Variants in CFAP20DC observed in about 807,000 individuals in gnomAD.
CFAP20DC encodes protein CFAP20DC.
CFAP20DC carries 84 observed loss-of-function variants against 101.7 expected under a neutral mutation model. That is an observed-to-expected ratio of 0.83 (90% CI 0.69 to 0.99). The LOEUF (loss-of-function observed/expected upper bound fraction) is 0.99, where lower values mean the gene tolerates loss of function less well. Ranked by LOEUF, CFAP20DC falls within the 50% of genes least tolerant of loss-of-function variation. The probability of loss-of-function intolerance (pLI) is 0.00; values close to 1 mark genes in which losing one functional copy is unlikely to be tolerated. For synonymous variants in CFAP20DC, 359 were observed against 351.2 expected, an observed-to-expected ratio of 1.02 and a Z score of -0.25; for missense variants, 1,007 against 970.3, an observed-to-expected ratio of 1.04 and a Z score of -0.50.
Position 58,975,516 on chromosome 3 carries a change from C to T in CFAP20DC, c.279-37754G>A, listed in dbSNP as rs1045897701. On this transcript the variant is annotated intron_variant, in intron 4 of 16. Transcript: ENST00000482387. Reference sequence around the variant, plus strand: ...AACTGAGGCAGCACTGAAGAAAATGCACTTACTCTTTATTTTTCTATACAG... The same window carrying T: ...AACTGAGGCAGCACTGAAGAAAATGTACTTACTCTTTATTTTTCTATACAG... 2.6e-5 allele frequency among the ~76,000 whole-genome samples: 4 copies of T among 152,168 alleles called. No individual in the cohort carries two copies. In the East Asian group the frequency reaches 7.7e-4, roughly 29 times the overall value.
intron 15 of CFAP20DC, among the ~76,000 whole-genome samples, chr3:58,803,549 A>G (rs980190760): frequency 1.3e-5 from 2 of 152,226 alleles, no homozygotes; most frequent in Non-Finnish European, 2.9e-5. Flanking sequence ...AAGTTAAATT[A>G]TATGCGTTAC....
intron 15 of CFAP20DC, among the ~76,000 whole-genome samples, chr3:58,803,195 T>C (rs1388646258): frequency 6.6e-6 from 1 of 152,184 alleles, no homozygotes; most frequent in East Asian, 1.9e-4. Context: ...CATCACGCTT[T>C]CCTCTCTGTG....
intron 13 of CFAP20DC, among the ~76,000 whole-genome samples, chr3:58,848,484 G>T (rs1222977681): frequency 6.6e-6 from 1 of 152,124 alleles, no homozygotes; most frequent in Non-Finnish European, 1.5e-5. Context: ...AGGAAGAAAA[G>T]TACTAATACA....
intron 7 of CFAP20DC, among the ~76,000 whole-genome samples, chr3:58,873,519 G>C (rs917296684): frequency 1.2e-4 from 18 of 148,556 alleles, no homozygotes; most frequent in African/African-American, 4.5e-4. Context: ...TCAAGCAGAA[G>C]TCTGGATCAG....
chr3:58,768,868 G>GC (rs1407807618), intron 15 of CFAP20DC, among the ~76,000 whole-genome samples: 3 of 152,180 alleles, frequency 2.0e-5, no homozygotes, highest in Non-Finnish European at 2.9e-5. Flanking sequence ...CTTTAGAGGA[G>GC]CCTTGCTTGA....
intron 14 of CFAP20DC, among the ~76,000 whole-genome samples, chr3:58,808,017 A>C (rs2074255600): frequency 6.6e-6 from 1 of 152,196 alleles, no homozygotes; most frequent in Non-Finnish European, 1.5e-5. Context: ...TTAGAGAAAA[A>C]AGAATAAAAA....
chr3:58,836,342 C>A (rs1254182494), intron 13 of CFAP20DC, among the ~76,000 whole-genome samples: 1 of 152,132 alleles, frequency 6.6e-6, no homozygotes, highest in Non-Finnish European at 1.5e-5. Flanking sequence ...ACACAACAAA[C>A]AGAAACAACC....
chr3:58,910,958 C>T (rs1422417304), intron 6 of CFAP20DC, among the ~76,000 whole-genome samples: 1 of 151,858 alleles, frequency 6.6e-6, no homozygotes, highest in Admixed American at 6.6e-5. Flanking sequence ...CATATAGATC[C>T]AAATATTGGA....
chr3:58,949,263 T>G (rs1464974439), intron 4 of CFAP20DC, among the ~76,000 whole-genome samples: 6 of 151,954 alleles, frequency 3.9e-5, no homozygotes, highest in African/African-American at 9.7e-5. Flanking sequence ...TTTTTGAAGG[T>G]TTTTTTTGTC....
intron 12 of CFAP20DC, among the ~76,000 whole-genome samples, chr3:58,858,517 C>T (rs987699508): frequency 3.1e-4 from 47 of 152,280 alleles, no homozygotes; most frequent in African/African-American, 1.0e-3. Context: ...CTACTTGGAG[C>T]AGATGGGACC....
In CFAP20DC at chr3:58,728,336, A is replaced by G. The variant is rs1236930423; in HGVS notation, c.198-10708T>C. On this transcript the variant is annotated intron_variant, in intron 3 of 3. Coordinates refer to the CFAP20DC transcript ENST00000486145. The surrounding 1 kb of genome is among the most constrained non-coding windows in gnomAD (Gnocchi z 4.7). ...AAATTGGAAGAAGATTCACGTCCTCATATTAGAGAAATAGCTGGCTAAATG... is the reference window on the plus strand; with the variant it reads ...AAATTGGAAGAAGATTCACGTCCTCGTATTAGAGAAATAGCTGGCTAAATG... 1.3e-5 allele frequency among the ~76,000 whole-genome samples: 2 copies of G among 152,378 alleles called. No homozygotes were observed. Among genetic ancestry groups the G allele is most frequent in the Admixed American group, 1.3e-4 (2 of 15,312 alleles).
At chr3:58,723,487 C>T (rs1294872450) in intron 3 of CFAP20DC, among the ~76,000 whole-genome samples, 1 of 152,188 alleles carries the variant, frequency 6.6e-6, no homozygotes, top group Non-Finnish European at 1.5e-5. Context: ...AGAACATTTT[C>T]TTCCTTTCTT....
At chr3:58,848,011 C>G (rs1364178260) in intron 13 of CFAP20DC, among the ~76,000 whole-genome samples, 1 of 108,544 alleles carries the variant, frequency 9.2e-6, no homozygotes, top group Non-Finnish European at 1.9e-5. Flanking sequence ...ACTCTGGGGA[C>G]TGTTGTGGGG....
In CFAP20DC at chr3:58,722,571, C is replaced by T. The variant is rs1460123493; in HGVS notation, c.198-4943G>A. ...AACCTGAGAGATGCCACCTTCAACTCAAAAGCCCAGCTCTCCCCTTCGACG... is the reference window on the plus strand; with the variant it reads ...AACCTGAGAGATGCCACCTTCAACTTAAAAGCCCAGCTCTCCCCTTCGACG... On this transcript the variant is annotated intron_variant, in intron 3 of 3. Coordinates refer to the CFAP20DC transcript ENST00000486145. The surrounding 1 kb of genome is among the most constrained non-coding windows in gnomAD (Gnocchi z 4.5). 1.3e-5 allele frequency among the ~76,000 whole-genome samples: 2 copies of T among 152,174 alleles called. No homozygotes were observed. The highest frequency in any genetic ancestry group is 4.8e-5 in the African/African-American group (2 of 41,440).
rs1193288077 is a variant in CFAP20DC, at chr3:58,890,793, C to T, written c.551-6084G>A. Among the ~76,000 whole-genome samples the T allele has an allele frequency of 8.2e-5, 12 of 146,954 alleles. No individual in the cohort carries two copies. In the East Asian group the frequency reaches 1.3e-3, roughly 15 times the overall value. On this transcript the variant is annotated intron_variant, in intron 6 of 16. Coordinates refer to ENST00000482387, the MANE Select transcript of CFAP20DC (RefSeq NM_001394063.1). ...GCTCCTCACATCCCAGATGGGGCGG[C>T]GGGGCAGAGGCGCTCCCCACATCTC... is the stretch of plus-strand genomic sequence containing the variant.
chr3:58,852,726 G>A (rs2108346731), intron 12 of CFAP20DC, among the ~76,000 whole-genome samples: 1 of 151,446 alleles, frequency 6.6e-6, no homozygotes, highest in East Asian at 1.9e-4. Context: ...ACCTGCTCCT[G>A]AATGACTACT....
chr3:58,900,609 A>G (rs1319716898), intron 6 of CFAP20DC, among the ~76,000 whole-genome samples: 1 of 152,206 alleles, frequency 6.6e-6, no homozygotes, highest in Non-Finnish European at 1.5e-5. Context: ...TGCTTTTGCT[A>G]ACAAATATGA....
chr3:58,973,567 T>C (rs560254311), intron 4 of CFAP20DC, among the ~76,000 whole-genome samples: 41 of 152,154 alleles, frequency 2.7e-4, no homozygotes, highest in Non-Finnish European at 5.6e-4. Flanking sequence ...CTCACACTGC[T>C]CTGAGAATGG....
At chr3:58,893,445 A>G (rs1004903506) in intron 6 of CFAP20DC, among the ~76,000 whole-genome samples, 1 of 152,140 alleles carries the variant, frequency 6.6e-6, no homozygotes, top group Non-Finnish European at 1.5e-5. Flanking sequence ...ACATTTATTG[A>G]TTTGTGTATG....
Sources: gnomAD v4.1 joint callset for allele counts (sites outside exome capture counted in the v4.1 genomes callset) on GRCh38, gnomAD v4.1.1 for gene constraint, Gnocchi (gnomAD v3.1) non-coding constraint, MANE v1.5 for transcripts, NCBI Gene and HGNC (gene_info 2026-07-23, HGNC 2026-07-21) for gene names.